Variants in FMR1NB observed in about 807,000 individuals in gnomAD.
The protein encoded by FMR1NB is FMR1 neighbor.
FMR1NB carries 10 observed loss-of-function variants against 16.8 expected under a neutral mutation model. The ratio of observed to expected loss-of-function variants is 0.60; its 90% CI spans 0.37 to 1.01. The LOEUF is 1.01. FMR1NB is among the 50% of genes least tolerant of loss of function. The pLI, the probability that FMR1NB is intolerant of heterozygous loss-of-function variation, is 0.01. For missense variants in FMR1NB, 205 were observed against 204.8 expected, an observed-to-expected ratio of 1.00 and a Z score of 0.00; for synonymous variants, 83 against 79.1, an observed-to-expected ratio of 1.05 and a Z score of -0.26.
chrX:148,007,798 A>G (rs942882878), intron 3 of FMR1NB, among the ~76,000 whole-genome samples: 7 of 112,189 alleles, frequency 6.2e-5, no homozygotes, highest in African/African-American at 9.7e-5. Context: ...TATAGTCCCT[A>G]TTCAATTTAC....
intron 1 of FMR1NB, among the ~76,000 whole-genome samples, chrX:147,994,111 C>T (rs1181176062): frequency 2.7e-5 from 3 of 111,595 alleles, no homozygotes; most frequent in Non-Finnish European, 3.8e-5. Flanking sequence ...CCCACAGTCT[C>T]CTGCCTTTGA....
intron 4 of FMR1NB, among the ~76,000 whole-genome samples, chrX:148,017,528 CT>C (rs1378187704): frequency 2.8e-5 from 3 of 107,359 alleles, no homozygotes; most frequent in Admixed American, 1.0e-4. Context: ...AGACTATTTT[CT>C]TTTTTTTTCT....
intron 4 of FMR1NB, among the ~76,000 whole-genome samples, chrX:148,017,294 C>A (rs2044654506): frequency 9.0e-6 from 1 of 111,031 alleles, no homozygotes; most frequent in Admixed American, 9.6e-5. Flanking sequence ...CTTTTAGGAT[C>A]TGTTGTTCAT....
chrX:147,985,624 C>T (rs2124610060), intron 1 of FMR1NB, among the ~76,000 whole-genome samples: 1 of 111,822 alleles, frequency 8.9e-6, no homozygotes, highest in African/African-American at 3.3e-5. Flanking sequence ...CAACTTCATC[C>T]ATGTCCCTGC....
At chrX:148,012,354 A>G (rs1323870898) in intron 4 of FMR1NB, among the ~76,000 whole-genome samples, 1 of 112,017 alleles carries the variant, frequency 8.9e-6, no homozygotes, top group East Asian at 2.8e-4. Context: ...TAGTGATATG[A>G]TACTTGAGTG....
chrX:147,987,356 C>T (rs782807485), intron 1 of FMR1NB, among the ~76,000 whole-genome samples: 225 of 112,019 alleles, frequency 2.0e-3, no homozygotes, highest in Non-Finnish European at 2.0e-3. Flanking sequence ...ACTTCCAATA[C>T]TATGTTGAAT....
intron 5 of FMR1NB, 28 bp downstream of exon 5, chrX:148,025,041 A>G: frequency 8.4e-7 from 1 of 1,186,856 alleles, no homozygotes; most frequent in Non-Finnish European, 1.1e-6. Context: ...ATAAAGTTGA[A>G]GTGCTCAATC....
At chrX:147,998,421 A>C (rs1557188371) in intron 1 of FMR1NB, among the ~76,000 whole-genome samples, 1 of 111,570 alleles carries the variant, frequency 9.0e-6, no homozygotes, top group African/African-American at 3.3e-5. Flanking sequence ...ATATGGACAC[A>C]GGGAGAGGAA....
At position 148,024,955 on chromosome X, in the gene FMR1NB, G is replaced by A. The variant is rs1557190891; in HGVS notation, c.723G>A (p.Met241Ile). Residue 241 changes from methionine (M) to isoleucine (I), a missense_variant, in exon 5 of 6, where the codon ATG becomes ATA. By Grantham distance (10) the Met-to-Ile change is conservative. Transcript: ENST00000370467. ...QRRKRKRKSE[M>I]LQKAARGREE... ...GGAAGCGAAAGAGGAAGTCTGAAAT[G>A]TTACAGAAAGCAGCAAGAGGACGTG... is the stretch of plus-strand genomic sequence containing the variant. 2.5e-6 allele frequency: 3 copies of A among 1,211,156 alleles called. No homozygotes were observed. The highest frequency in any genetic ancestry group is 3.4e-6 in the Non-Finnish European group (3 of 895,031).
In FMR1NB at chrX:148,006,525, A is replaced by G. The variant is rs782453663; in HGVS notation, c.398-177A>G. On this transcript the variant is annotated intron_variant, in intron 2 of 5. Coordinates refer to ENST00000370467, the MANE Select transcript of FMR1NB (RefSeq NM_152578.3). ...ATTCACCTAGATTTGAAAATGTGAT[A>G]TTAAATAACTTAGTGGTAACTTTTA... Among the ~76,000 whole-genome samples the G allele has an allele frequency of 6.2e-5, 7 of 112,611 alleles. 1 individual carries two copies. The East Asian group carries it at 1.1e-3, about 18-fold the overall frequency.
intron 1 of FMR1NB, among the ~76,000 whole-genome samples, chrX:148,001,275 A>G (rs1557188630): frequency 8.9e-6 from 1 of 112,344 alleles, no homozygotes. Flanking sequence ...TCTCCAAATG[A>G]GTCTACATTT....
intron 4 of FMR1NB, among the ~76,000 whole-genome samples, chrX:148,011,663 C>T (rs1406886860): frequency 2.7e-5 from 3 of 111,234 alleles, no homozygotes; most frequent in African/African-American, 9.8e-5. Context: ...GTAGAGGTGC[C>T]GTTTCAGGTC....
chrX:148,022,239 ACTCAGGCTGCAGG>A (rs2044683059), intron 4 of FMR1NB, among the ~76,000 whole-genome samples: 1 of 103,245 alleles, frequency 9.7e-6, no homozygotes. Context: ...GGCTCTCTCC[ACTCAGGCTGCAGG>A]CCTCATCTTA....
chrX:148,003,175 G>A, intron 1 of FMR1NB, 26 bp from the exon 2 acceptor site: 1 of 1,196,618 alleles, frequency 8.4e-7, no homozygotes. Context: ...TATATGTTGG[G>A]ATTAATAATT....
chrX:147,982,068 T>C (rs1603066962), intron 1 of FMR1NB, among the ~76,000 whole-genome samples: 1 of 111,364 alleles, frequency 9.0e-6, no homozygotes, highest in African/African-American at 3.3e-5. Flanking sequence ...AGCAGGTGGA[T>C]CACTTGAGGT....
intron 1 of FMR1NB, among the ~76,000 whole-genome samples, chrX:148,000,068 C>T (rs1405248854): frequency 2.7e-5 from 3 of 111,236 alleles, no homozygotes; most frequent in Non-Finnish European, 3.8e-5. Context: ...TGAGAGTACA[C>T]ATTCAAATGT....
chrX:148,015,951 G>C (rs782501489), intron 4 of FMR1NB, among the ~76,000 whole-genome samples: 1 of 112,084 alleles, frequency 8.9e-6, no homozygotes, highest in African/African-American at 3.2e-5. Context: ...TCTATCTTTA[G>C]CTCTAATACT....
At chrX:148,011,188 C>A (rs1260520843) in intron 4 of FMR1NB, among the ~76,000 whole-genome samples, 2 of 110,211 alleles carry the variant, frequency 1.8e-5, no homozygotes, top group Non-Finnish European at 3.8e-5. Context: ...CGCTTGAACC[C>A]GGGAGGCGGC....
At chrX:147,989,267 A>G (rs905967627) in intron 1 of FMR1NB, among the ~76,000 whole-genome samples, 1 of 112,172 alleles carries the variant, frequency 8.9e-6, no homozygotes, top group East Asian at 2.8e-4. Context: ...CCTCTGTGGC[A>G]GGTCTGCTCT....
Sources: gnomAD v4.1 joint callset for allele counts (sites outside exome capture counted in the v4.1 genomes callset) on GRCh38, gnomAD v4.1.1 for gene constraint, MANE v1.5 for transcripts, NCBI Gene and HGNC (gene_info 2026-07-23, HGNC 2026-07-21) for gene names.